Variants in ATPSCKMT observed in about 807,000 individuals in gnomAD.
The protein encoded by ATPSCKMT is ATP synthase subunit C lysine N-methyltransferase.
In ATPSCKMT, 24 loss-of-function variants were observed where a neutral mutation model predicts 24.3. The observed-to-expected ratio is 0.99, with a 90% confidence interval of 0.71 to 1.39. ATPSCKMT has a LOEUF of 1.39. Among genes scored for constraint, ATPSCKMT ranks in the 40% most tolerant of loss-of-function variants. The pLI, the probability that ATPSCKMT is intolerant of heterozygous loss-of-function variation, is 0.00. For missense variants in ATPSCKMT, 311 were observed against 298.4 expected (o/e 1.04, Z -0.31); for synonymous variants, 95 against 110.5 (o/e 0.86, Z 0.88).
chr5:10,236,675 A>G, intron 2 of ATPSCKMT, 60 bp from the exon 3 acceptor site: 2 of 1,592,196 alleles, frequency 1.3e-6, no homozygotes, highest in Non-Finnish European at 1.7e-6. Context: ...ACATGGTCAA[A>G]CAATATGAAT....
At chr5:10,249,733 G>A in intron 1 of ATPSCKMT, 125 bp downstream of exon 1, 2 of 1,413,320 alleles carry the variant, frequency 1.4e-6, no homozygotes, top group Non-Finnish European at 1.9e-6. Flanking sequence ...CAGGCTGGAG[G>A]CCAGAGCAGC....
At chr5:10,236,766 C>T (rs1413035582) in intron 2 of ATPSCKMT, 151 bp from the exon 3 acceptor site, 19 of 1,462,282 alleles carry the variant, frequency 1.3e-5, no homozygotes, top group Non-Finnish European at 1.7e-5. Flanking sequence ...GTCTCTAAAG[C>T]GATATAGCTT....
intron 1 of ATPSCKMT, chr5:10,244,504 C>G (rs541712882): frequency 5.9e-5 from 9 of 152,112 alleles, no homozygotes; most frequent in Admixed American, 4.6e-4. Context: ...GACCAGCCTG[C>G]GCAATAATAG....
chr5:10,246,669 T>C (rs1579435791), intron 1 of ATPSCKMT, among the ~76,000 whole-genome samples: 2 of 152,260 alleles, frequency 1.3e-5, no homozygotes, highest in South Asian at 4.1e-4. Context: ...TCACCAAGTT[T>C]ATTAAACAAA....
chr5:10,249,267 A>AG (rs1745160213), intron 1 of ATPSCKMT: 1 of 151,734 alleles, frequency 6.6e-6, no homozygotes, highest in Admixed American at 6.6e-5. Context: ...GTCTCAAAAA[A>AG]AAAAAAAAAA....
chr5:10,240,723 C>T (rs1744597880), intron 1 of ATPSCKMT, among the ~76,000 whole-genome samples: 1 of 152,052 alleles, frequency 6.6e-6, no homozygotes, highest in South Asian at 2.1e-4. Flanking sequence ...TGGCCAGGCG[C>T]AGTGGCTCAC....
chr5:10,240,752 T>G (rs371810111), intron 1 of ATPSCKMT, among the ~76,000 whole-genome samples: 12 of 152,144 alleles, frequency 7.9e-5, no homozygotes, highest in African/African-American at 2.4e-4. Context: ...TCCCAGCACT[T>G]TGGGAGGCCA....
intron 1 of ATPSCKMT, among the ~76,000 whole-genome samples, chr5:10,249,041 G>C (rs1328926124): frequency 6.6e-6 from 1 of 152,050 alleles, no homozygotes; most frequent in Non-Finnish European, 1.5e-5. Flanking sequence ...ACCTAGACGG[G>C]TACATCACTT....
intron 2 of ATPSCKMT, among the ~76,000 whole-genome samples, chr5:10,238,296 AT>A (rs1744468196): frequency 6.6e-6 from 1 of 152,094 alleles, no homozygotes; most frequent in South Asian, 2.1e-4. Flanking sequence ...AAAAAAAAAA[AT>A]TAAATTAAAA....
intron 1 of ATPSCKMT, among the ~76,000 whole-genome samples, chr5:10,247,545 A>G (rs1211228153): frequency 1.3e-5 from 2 of 152,206 alleles, no homozygotes; most frequent in East Asian, 1.9e-4. Flanking sequence ...GGGTCTCCCT[A>G]TGTTGCCCAG....
intron 4 of ATPSCKMT, among the ~76,000 whole-genome samples, chr5:10,229,422 C>G (rs377127245): frequency 3.3e-5 from 5 of 152,174 alleles, no homozygotes; most frequent in African/African-American, 7.2e-5. Flanking sequence ...GTGAACTTAC[C>G]AGGGCTCCAC....
chr5:10,231,544 C>T (rs1579420199), intron 4 of ATPSCKMT, among the ~76,000 whole-genome samples: 1 of 151,848 alleles, frequency 6.6e-6, no homozygotes. Flanking sequence ...TGCTGCACTG[C>T]CCCCCACCCT....
intron 1 of ATPSCKMT, among the ~76,000 whole-genome samples, chr5:10,243,710 A>G (rs1744754732): frequency 6.6e-6 from 1 of 152,204 alleles, no homozygotes; most frequent in Non-Finnish European, 1.5e-5. Flanking sequence ...AGAACTGAAA[A>G]GAGTTAGGGC....
rs370801277 is a variant in ATPSCKMT, at chr5:10,249,859, T to G, written c.15A>C (p.Gly5=). 14 of 1,198,058 alleles carry G rather than the reference T, an allele frequency of 1.2e-5. No individual in the cohort carries two copies. The highest frequency in any genetic ancestry group is 2.8e-5 in the Admixed American group (1 of 35,932). The allele number at this position is 1,198,058 out of a possible 1,614,324, so 74.2% of individuals were successfully genotyped here. The part of the protein sequence containing the change: MEGG[G]GIPLETLKEE... ...CCCGCCAAGCCGCTCCAGCCTCACC[T>G]CCTCCTCCCTCCATCGCGAGATTTC... Residue 5 remains glycine, a splice_region_variant and synonymous_variant, in exon 1 of 5, where the codon GGA becomes GGC. Transcript: ENST00000511437.
At chr5:10,249,655 C>T in intron 1 of ATPSCKMT, 1 of 798,708 alleles carries the variant, frequency 1.3e-6, no homozygotes, top group Non-Finnish European at 1.9e-6. Context: ...GAAACGCGCC[C>T]GCCGACAAGG....
At chr5:10,249,792 G>C (rs1261643712) in intron 1 of ATPSCKMT, 66 bp downstream of exon 1, 19 of 1,527,214 alleles carry the variant, frequency 1.2e-5, no homozygotes, top group Non-Finnish European at 1.4e-5. Context: ...AGCTGACCGC[G>C]AGCCCCCGGC....
intron 1 of ATPSCKMT, among the ~76,000 whole-genome samples, chr5:10,246,389 GCCAAAATTGCA>G (rs1304692854): frequency 6.6e-6 from 1 of 150,880 alleles, no homozygotes; most frequent in Non-Finnish European, 1.5e-5. Context: ...GAGCCAAGGA[GCCAAAATTGCA>G]CCACTGCACT....
intron 1 of ATPSCKMT, among the ~76,000 whole-genome samples, chr5:10,240,070 C>CA (rs35083577): frequency 2.1e-4 from 30 of 141,690 alleles, no homozygotes; most frequent in Middle Eastern, 3.5e-3. Context: ...ACTAAAAATA[C>CA]AAAAAAAAAA....
At chr5:10,245,263 C>A (rs972323991) in intron 1 of ATPSCKMT, among the ~76,000 whole-genome samples, 6 of 150,944 alleles carry the variant, frequency 4.0e-5, no homozygotes, top group African/African-American at 1.5e-4. Context: ...TACTAAAAAT[C>A]AAAAAAATTA....
Sources: gnomAD v4.1 joint callset for allele counts (sites outside exome capture counted in the v4.1 genomes callset) on GRCh38, gnomAD v4.1.1 for gene constraint, MANE v1.5 for transcripts, NCBI Gene and HGNC (gene_info 2026-07-23, HGNC 2026-07-21) for gene names.